SCUBE1: variants seen among roughly 807,000 people sequenced by gnomAD.
SCUBE1 encodes the protein signal peptide, CUB domain and EGF like domain containing 1.
In SCUBE1, 59 loss-of-function variants were observed where a neutral mutation model predicts 124.4. The observed-to-expected ratio is 0.47, with a 90% confidence interval of 0.38 to 0.59. The LOEUF (loss-of-function observed/expected upper bound fraction) is 0.59. SCUBE1 is among the 20% of genes least tolerant of loss of function. SCUBE1 has a pLI of 0.00. For missense variants in SCUBE1, 1,150 were observed against 1,371.2 expected, an observed-to-expected ratio of 0.84 and a Z score of 2.55; for synonymous variants, 545 against 550.9, an observed-to-expected ratio of 0.99 and a Z score of 0.15.
chr22:43,222,059 G>A (rs1040184637), intron 12 of SCUBE1, among the ~76,000 whole-genome samples: 2 of 152,036 alleles, frequency 1.3e-5, no homozygotes, highest in East Asian at 1.9e-4. Flanking sequence ...GCGAGACTCC[G>A]TTTTAAAAAT....
At chr22:43,335,910 A>C (rs1470747182) in intron 2 of SCUBE1, among the ~76,000 whole-genome samples, 1 of 150,960 alleles carries the variant, frequency 6.6e-6, no homozygotes, top group Non-Finnish European at 1.5e-5. Context: ...GATGATAATG[A>C]TGATGGTGAT....
intron 15 of SCUBE1, among the ~76,000 whole-genome samples, chr22:43,214,892 C>CAA (rs144213725): frequency 0.023 from 3,468 of 152,248 alleles, 102 homozygotes; most frequent in South Asian, 0.088. Flanking sequence ...AAGATGCTTA[C>CAA]AAATGCGGAA....
At chr22:43,250,670 AG>A (rs35819202) in intron 6 of SCUBE1, among the ~76,000 whole-genome samples, 9,230 of 152,238 alleles carry the variant, frequency 0.061, 392 homozygotes, top group Admixed American at 0.14. Context: ...CACTGCTCTC[AG>A]GGTGGCTGTG....
rs1922560864 is a variant in SCUBE1 at position 43,231,741 on chromosome 22, G to A, written c.967+12C>T. 1.3e-6 allele frequency: 2 copies of A among 1,569,714 alleles called. No individual in the cohort carries two copies. Among genetic ancestry groups the A allele is most frequent in the South Asian group, 1.2e-5 (1 of 86,342 alleles). On this transcript the variant is annotated intron_variant, in intron 8 of 21. Coordinates refer to ENST00000360835, the MANE Select transcript of SCUBE1 (RefSeq NM_173050.5). Reference sequence around the variant, plus strand: ...GGGCCCGAGAGCCACCCGGGGCATGGCAGGGGCTCACCCTGGCAGGTGCGC... The same window carrying A: ...GGGCCCGAGAGCCACCCGGGGCATGACAGGGGCTCACCCTGGCAGGTGCGC...
chr22:43,219,826 G>C (rs1922013767), intron 14 of SCUBE1, among the ~76,000 whole-genome samples: 1 of 152,074 alleles, frequency 6.6e-6, no homozygotes, highest in South Asian at 2.1e-4. Context: ...TCAGTTCTAT[G>C]CATTGTTTGT....
At chr22:43,209,364 G>C (rs67440302) in intron 19 of SCUBE1, among the ~76,000 whole-genome samples, 5,978 of 152,284 alleles carry the variant, frequency 0.039, 143 homozygotes, top group South Asian at 0.058. Flanking sequence ...GCAGCGAGGT[G>C]CCCTGGACAG....
intron 9 of SCUBE1, 23 bp from the exon 10 acceptor site, chr22:43,227,519 G>A (rs771888781): frequency 1.6e-5 from 25 of 1,604,042 alleles, no homozygotes; most frequent in Non-Finnish European, 2.1e-5. Context: ...CGGGCGTAAG[G>A]GCAGAGGGGA....
At position 43,220,234 on chromosome 22, in the gene SCUBE1, T is replaced by C. The variant is rs147209017; in HGVS notation, c.1687+216A>G. Among the ~76,000 whole-genome samples the C allele has an allele frequency of 7.2e-3, 1,098 of 152,356 alleles. 19 individuals carry two copies. Among genetic ancestry groups the C allele is most frequent in the African/African-American group, 0.025 (1,048 of 41,586 alleles). ...CCTCGGCTCTTCTGTCTCATTGCCC[T>C]GGGCTGCCTCTTCTATCCTGGGCTG... On this transcript the variant is annotated intron_variant, in intron 14 of 21. Transcript: ENST00000360835.
intron 4 of SCUBE1, among the ~76,000 whole-genome samples, chr22:43,263,970 C>T (rs796219624): frequency 2.6e-4 from 39 of 152,306 alleles, no homozygotes; most frequent in African/African-American, 8.9e-4. Flanking sequence ...ACAGCATCAG[C>T]GCCTGAGTCA....
At chr22:43,230,792 G>A (rs1922520264) in intron 8 of SCUBE1, among the ~76,000 whole-genome samples, 1 of 152,138 alleles carries the variant, frequency 6.6e-6, no homozygotes, top group Admixed American at 6.5e-5. Context: ...CCCTACTCTC[G>A]CCAGCCTCCT....
In SCUBE1 at chr22:43,198,438, C is replaced by T; in HGVS notation, c.*5559G>A. On this transcript the variant is annotated 3_prime_UTR_variant, in exon 22 of 22. Transcript: ENST00000360835. ...TTTCCAAGAGCAAGGCAGGTGGGAT[C>T]AGGCCAACCCCAGCTCTGCCTGCCC... The T allele has an allele frequency of 2.4e-6, 1 of 408,446 alleles. No homozygotes were observed. Among genetic ancestry groups the T allele is most frequent in the Non-Finnish European group, 5.0e-6 (1 of 200,790 alleles). The allele number at this position is 408,446 out of a possible 1,614,324, so 25.3% of individuals were successfully genotyped here.
intron 21 of SCUBE1, among the ~76,000 whole-genome samples, chr22:43,207,085 C>T (rs749654219): frequency 1.3e-5 from 2 of 152,190 alleles, no homozygotes; most frequent in Admixed American, 6.5e-5. Flanking sequence ...CCAGTACCCA[C>T]CATGTGACAC....
chr22:43,333,173 G>A (rs1169822871), intron 2 of SCUBE1, among the ~76,000 whole-genome samples: 1 of 152,210 alleles, frequency 6.6e-6, no homozygotes, highest in African/African-American at 2.4e-5. Flanking sequence ...AACGCCCTTC[G>A]AAGTTTCTTC....
chr22:43,287,213 TG>T (rs1164675008), intron 4 of SCUBE1, among the ~76,000 whole-genome samples: 1 of 152,206 alleles, frequency 6.6e-6, no homozygotes, highest in Non-Finnish European at 1.5e-5. Flanking sequence ...GACTCCCTCC[TG>T]CCCAGTGTGG....
At chr22:43,305,496 C>T (rs916005086) in intron 3 of SCUBE1, among the ~76,000 whole-genome samples, 2 of 151,966 alleles carry the variant, frequency 1.3e-5, no homozygotes, top group African/African-American at 4.8e-5. Context: ...CGGGACAGGC[C>T]GGGAGGAGGT....
chr22:43,294,191 AG>A (rs1376368164), intron 3 of SCUBE1, among the ~76,000 whole-genome samples: 1 of 152,228 alleles, frequency 6.6e-6, no homozygotes, highest in Non-Finnish European at 1.5e-5. Context: ...CGGTCCAAAC[AG>A]GCCTCACCCC....
chr22:43,277,222 G>C (rs936240325), intron 4 of SCUBE1, among the ~76,000 whole-genome samples: 1 of 152,166 alleles, frequency 6.6e-6, no homozygotes, highest in Non-Finnish European at 1.5e-5. Context: ...CAGAGGCCGG[G>C]ATGAGAAGTT....
intron 3 of SCUBE1, among the ~76,000 whole-genome samples, chr22:43,311,743 T>C (rs1601881710): frequency 6.6e-6 from 1 of 152,150 alleles, no homozygotes; most frequent in East Asian, 1.9e-4. Context: ...TAGCACTTTC[T>C]ACCCTTCATT....
intron 15 of SCUBE1, among the ~76,000 whole-genome samples, chr22:43,216,366 T>C (rs1921810989): frequency 6.7e-6 from 1 of 149,118 alleles, no homozygotes; most frequent in Admixed American, 6.7e-5. Context: ...TTATTGAAAG[T>C]AGAAGAGGCT....
Sources: allele counts gnomAD v4.1 joint callset (sites outside exome capture counted in the v4.1 genomes callset), GRCh38; gene constraint gnomAD v4.1.1; transcripts MANE v1.5; gene names NCBI Gene and HGNC (gene_info 2026-07-23, HGNC 2026-07-21).